RAB40B: variants seen among roughly 807,000 people sequenced by gnomAD.
RAB40B encodes the protein RAB40B, member RAS oncogene family.
Under a neutral mutation model 24.0 loss-of-function variants are expected in RAB40B, and 21 were observed. The ratio of observed to expected loss-of-function variants is 0.88; its 90% CI spans 0.62 to 1.26. The LOEUF is 1.26. RAB40B is among the 50% of genes most tolerant of loss of function. The pLI is 0.00. For missense variants in RAB40B, 348 were observed against 390.5 expected (o/e 0.89, Z 0.92); for synonymous variants, 167 against 169.8 (o/e 0.98, Z 0.13).
chr17:82,659,631 C>T lies in RAB40B; in HGVS notation c.291G>A (p.Ala97=), dbSNP rs369710621. The change falls in exon 4 of 6, where the codon GCG becomes GCA. Residue 97 remains alanine (A), a synonymous_variant. Coordinates refer to ENST00000571995, the MANE Select transcript of RAB40B (RefSeq NM_006822.3). ...CAATGCCGTCAAAAGACCAGCGGTT[C>T]GCAATGTCATAGACCAGGATCACAC... ...AQGVILVYDI[A]NRWSFDGIDR... The T allele has an allele frequency of 2.6e-4, 419 of 1,614,166 alleles. 4 individuals carry two copies. In the South Asian group the frequency reaches 3.9e-3, roughly 15 times the overall value.
chr17:82,696,538 G>A (rs1361945483), intron 1 of RAB40B: 1 of 161,408 alleles, frequency 6.2e-6, no homozygotes. Context: ...CAGACCCCGA[G>A]GGCACAGTGC....
At chr17:82,691,437 G>A (rs2046556473) in intron 1 of RAB40B, among the ~76,000 whole-genome samples, 1 of 152,124 alleles carries the variant, frequency 6.6e-6, no homozygotes. Context: ...TGTAATCCCA[G>A]CTACTCGGGA....
chr17:82,671,630 G>T (rs1484648336), intron 1 of RAB40B, among the ~76,000 whole-genome samples: 1 of 57,096 alleles, frequency 1.8e-5, no homozygotes, highest in South Asian at 9.6e-4. Flanking sequence ...AGCTCACCCC[G>T]TAACTCTAAC....
chr17:82,698,140 G>C (rs1477764130), intron 1 of RAB40B, among the ~76,000 whole-genome samples: 5 of 152,006 alleles, frequency 3.3e-5, no homozygotes, highest in African/African-American at 9.6e-5. Flanking sequence ...GCGGGCTCCC[G>C]CTGCGCGCAG....
intron 1 of RAB40B, among the ~76,000 whole-genome samples, chr17:82,685,827 G>A (rs1260363777): frequency 6.7e-6 from 1 of 149,864 alleles, no homozygotes; most frequent in African/African-American, 2.5e-5. Flanking sequence ...TTTTTGAGAC[G>A]GAGTCTCGCC....
At chr17:82,662,846 G>A in intron 2 of RAB40B, 2 of 984,146 alleles carry the variant, frequency 2.0e-6, no homozygotes, top group Non-Finnish European at 2.4e-6. Context: ...CCGGGGTGGA[G>A]CTGGGAGAGG....
rs544476456 is a variant in RAB40B at position 82,668,763 on chromosome 17, G to A, written c.143-4207C>T. On this transcript the variant is annotated intron_variant, in intron 1 of 5. Transcript: ENST00000571995. Reference sequence around the variant, plus strand: ...GGCCTCCAAGAGCACAGAGACGCCCGCGTCTAGAGCTGCCCCAGGGCAGCG... The same window carrying A: ...GGCCTCCAAGAGCACAGAGACGCCCACGTCTAGAGCTGCCCCAGGGCAGCG... Among the ~76,000 whole-genome samples the A allele has an allele frequency of 6.6e-5, 10 of 152,354 alleles. No individual in the cohort carries two copies. In the East Asian group the frequency reaches 1.4e-3, roughly 21 times the overall value.
At chr17:82,660,905 AT>A in intron 3 of RAB40B, 81 bp downstream of exon 3, 1 of 1,504,246 alleles carries the variant, frequency 6.6e-7, no homozygotes. Flanking sequence ...CCAATCATCC[AT>A]TAAAGGATGG....
In RAB40B at chr17:82,681,889, TA is replaced by T. The variant is rs200447399; in HGVS notation, c.142+16565del. Among the ~76,000 whole-genome samples the T allele has an allele frequency of 4.3e-3, 656 of 151,762 alleles. 7 individuals carry two copies. The highest frequency in any genetic ancestry group is 0.018 in the South Asian group (87 of 4,800). On this transcript the variant is annotated intron_variant, in intron 1 of 5. Transcript: ENST00000571995. ...TCCCTTAACCTGATAAAGTGCATCT[TA>T]AAAAAAAGAACCTCAAAGCTAACAT...
chr17:82,688,655 C>T (rs548556591), intron 1 of RAB40B, among the ~76,000 whole-genome samples: 17 of 151,860 alleles, frequency 1.1e-4, no homozygotes, highest in Admixed American at 1.1e-3. Flanking sequence ...TTGTTTGGGC[C>T]GGGCGTGGTG....
At chr17:82,665,499 C>T (rs547224888) in intron 1 of RAB40B, among the ~76,000 whole-genome samples, 7 of 152,230 alleles carry the variant, frequency 4.6e-5, no homozygotes, top group Non-Finnish European at 8.8e-5. Flanking sequence ...CACAATCTGC[C>T]CGGCTCAGCC....
intron 1 of RAB40B, among the ~76,000 whole-genome samples, chr17:82,670,901 T>C (rs73357180): frequency 0.14 from 21,439 of 152,028 alleles, 1,614 homozygotes; most frequent in South Asian, 0.22. Flanking sequence ...CATGGAGTCA[T>C]GGATGCTCAC....
intron 1 of RAB40B, among the ~76,000 whole-genome samples, chr17:82,685,780 C>T (rs79607652): frequency 1.3e-3 from 202 of 151,582 alleles, no homozygotes; most frequent in African/African-American, 4.5e-3. Flanking sequence ...TGACCTGATT[C>T]GGAAACAGGA....
intron 1 of RAB40B, among the ~76,000 whole-genome samples, chr17:82,683,792 A>T (rs918669597): frequency 7.2e-6 from 1 of 138,064 alleles, no homozygotes; most frequent in Non-Finnish European, 1.6e-5. Flanking sequence ...GCAACAGAGC[A>T]AGACCCTGTT....
intron 1 of RAB40B, among the ~76,000 whole-genome samples, chr17:82,670,178 CTTTTTTT>C (rs71168131): frequency 8.6e-5 from 7 of 81,302 alleles, no homozygotes; most frequent in East Asian, 3.8e-4. Flanking sequence ...GGCCAACAAT[CTTTTTTT>C]TTTTTTTTTT....
intron 1 of RAB40B, among the ~76,000 whole-genome samples, chr17:82,685,765 G>C (rs908475844): frequency 2.6e-5 from 4 of 152,004 alleles, no homozygotes; most frequent in Non-Finnish European, 4.4e-5. Context: ...CAGAACTTCA[G>C]AATGTGACCT....
intron 3 of RAB40B, chr17:82,659,870 G>A (rs2046139906): frequency 5.5e-6 from 3 of 542,266 alleles, no homozygotes; most frequent in South Asian, 4.0e-5. Context: ...CGGTGATCTG[G>A]GGACTAGAAC....
chr17:82,685,483 G>A (rs1456890103), intron 1 of RAB40B, among the ~76,000 whole-genome samples: 2 of 152,138 alleles, frequency 1.3e-5, no homozygotes, highest in East Asian at 3.9e-4. Flanking sequence ...TAGCCCGTAG[G>A]GTCCCAAGGA....
At chr17:82,670,211 A>C (rs939402664) in intron 1 of RAB40B, among the ~76,000 whole-genome samples, 1 of 121,662 alleles carries the variant, frequency 8.2e-6, no homozygotes, top group Non-Finnish European at 1.6e-5. Flanking sequence ...TTTGAGACAG[A>C]GTCTCGCTCT....
Sources: gnomAD v4.1 joint callset for allele counts (sites outside exome capture counted in the v4.1 genomes callset) on GRCh38, gnomAD v4.1.1 for gene constraint, MANE v1.5 for transcripts, NCBI Gene and HGNC (gene_info 2026-07-23, HGNC 2026-07-21) for gene names.